Variants in NR1H4 observed in about 807,000 individuals in gnomAD.
The protein encoded by NR1H4 is bile acid receptor.
NR1H4 carries 23 observed loss-of-function variants against 58.5 expected under a neutral mutation model. The observed-to-expected ratio is 0.39, with a 90% CI of 0.28 to 0.56. The LOEUF (loss-of-function observed/expected upper bound fraction) is 0.56. Ranked by LOEUF, NR1H4 falls within the 20% of genes least tolerant of loss-of-function variation. The pLI, the probability that NR1H4 is intolerant of heterozygous loss-of-function variation, is 0.58. For missense variants in NR1H4, 487 were observed against 576.9 expected, an observed-to-expected ratio of 0.84 and a Z score of 1.60; for synonymous variants, 214 against 198.0, an observed-to-expected ratio of 1.08 and a Z score of -0.68.
At chr12:100,561,172 G>C (rs983781761) in intron 9 of NR1H4, among the ~76,000 whole-genome samples, 2 of 152,006 alleles carry the variant, frequency 1.3e-5, no homozygotes, top group African/African-American at 4.8e-5. Context: ...CGAGGCGGGC[G>C]GATCACGAGG....
chr12:100,536,929 T>C lies in NR1H4; in HGVS notation c.832-19T>C. ...TTCTTATCTACTTTTTAATCATTGG[T>C]TTTTTTCTTAAAATTTAGTTAAAAG... On this transcript the variant is annotated intron_variant, in intron 7 of 10. Coordinates refer to ENST00000392986, the MANE Select transcript of NR1H4 (RefSeq NM_001206979.2). The C allele has an allele frequency of 7.3e-7, 1 of 1,376,554 alleles. No individual in the cohort carries two copies. The highest frequency in any genetic ancestry group is 1.3e-5 in the South Asian group (1 of 78,778). The allele number at this position is 1,376,554 out of a possible 1,614,324, so 85.3% of individuals were successfully genotyped here.
intron 4 of NR1H4, among the ~76,000 whole-genome samples, chr12:100,525,775 T>C (rs1343336488): frequency 6.6e-6 from 1 of 152,226 alleles, no homozygotes; most frequent in African/African-American, 2.4e-5. Context: ...TGTTGCTTTC[T>C]GTTTTAGGTT....
intron 3 of NR1H4, among the ~76,000 whole-genome samples, chr12:100,496,607 A>G (rs1953720092): frequency 6.6e-6 from 1 of 152,110 alleles, no homozygotes; most frequent in African/African-American, 2.4e-5. Flanking sequence ...ATTCTAGGAC[A>G]TTTACTCAAA....
intron 9 of NR1H4, among the ~76,000 whole-genome samples, chr12:100,558,247 C>T (rs1053500254): frequency 6.7e-6 from 1 of 149,196 alleles, no homozygotes; most frequent in Non-Finnish European, 1.5e-5. Flanking sequence ...GTGGCACACA[C>T]CTGTAGTCCC....
chr12:100,493,377 A>T lies in NR1H4; in HGVS notation c.54A>T (p.Glu18Asp). The T allele has an allele frequency of 6.4e-7, 1 of 1,566,400 alleles. No individual in the cohort carries two copies. Among genetic ancestry groups the T allele is most frequent in the Non-Finnish European group, 8.8e-7 (1 of 1,142,404 alleles). The change falls in exon 3 of 11, where the codon GAA becomes GAT. Residue 18 changes from glutamate to aspartate, a missense_variant. Physicochemically the swap from Glu to Asp is conservative, Grantham distance 45. Transcript: ENST00000392986. ...ATTCCCATTTACCTACCACAGATGA[A>T]TTTTCTTTTTCTGAAAATTTATTTG... ...IEHSHLPTTD[E>D]FSFSENLFGV...
At position 100,547,790 on chromosome 12, in the gene NR1H4, G is replaced by A. The variant is rs369332402; in HGVS notation, c.1078+6972G>A. 4.4e-4 allele frequency among the ~76,000 whole-genome samples: 67 copies of A among 151,662 alleles called. 1 individual carries two copies. Among genetic ancestry groups the A allele is most frequent in the African/African-American group, 8.9e-4 (37 of 41,432 alleles). ...GCTGGAGTGCAGTGACCGTGATCTC[G>A]GCTCACTGCAACCTCCGCCTCCTGG... On this transcript the variant is annotated intron_variant, in intron 9 of 10. Coordinates refer to ENST00000392986, the MANE Select transcript of NR1H4 (RefSeq NM_001206979.2).
chr12:100,499,584 G>A (rs1430502376), intron 3 of NR1H4, among the ~76,000 whole-genome samples: 1 of 152,202 alleles, frequency 6.6e-6, no homozygotes, highest in Admixed American at 6.5e-5. Context: ...GGCTTGCAGA[G>A]TTTGGAAAAG....
chr12:100,499,180 G>A (rs942902106), intron 3 of NR1H4, among the ~76,000 whole-genome samples: 2 of 152,176 alleles, frequency 1.3e-5, no homozygotes, highest in Admixed American at 1.3e-4. Context: ...TGCAATTAAA[G>A]GTTTTGAGAT....
intron 4 of NR1H4, among the ~76,000 whole-genome samples, chr12:100,524,432 A>G (rs1270815657): frequency 6.6e-6 from 1 of 152,148 alleles, no homozygotes; most frequent in Non-Finnish European, 1.5e-5. Flanking sequence ...ACTGTGGGCC[A>G]CTAGCTTCTG....
At chr12:100,545,773 T>G (rs141644770) in intron 9 of NR1H4, among the ~76,000 whole-genome samples, 1 of 151,922 alleles carries the variant, frequency 6.6e-6, no homozygotes, top group Non-Finnish European at 1.5e-5. Flanking sequence ...TATCAGTGTT[T>G]GTGTGAGCTT....
At chr12:100,522,252 T>C (rs1954443807) in intron 4 of NR1H4, among the ~76,000 whole-genome samples, 1 of 152,104 alleles carries the variant, frequency 6.6e-6, no homozygotes, top group African/African-American at 2.4e-5. Context: ...AATAATCATG[T>C]TGATAGATAA....
rs56303029 is a variant in NR1H4, at chr12:100,483,963, A to G, written c.-189-8540A>G. 6.5e-3 allele frequency among the ~76,000 whole-genome samples: 980 copies of G among 150,600 alleles called. 11 individuals are homozygous for G. The highest frequency in any genetic ancestry group is 0.023 in the African/African-American group (938 of 40,612). On this transcript the variant is annotated intron_variant, in intron 1 of 10. Coordinates refer to ENST00000392986, the MANE Select transcript of NR1H4 (RefSeq NM_001206979.2). ...CGTGCCACTGCACTCCGACCTGGGC[A>G]ACAGAGCAAGACTCTGTCTCAGAAA...
At chr12:100,557,858 G>A (rs1158828159) in intron 9 of NR1H4, among the ~76,000 whole-genome samples, 2 of 152,190 alleles carry the variant, frequency 1.3e-5, no homozygotes, top group Non-Finnish European at 2.9e-5. Context: ...TGGTTTGGAA[G>A]AAATGGAGCA....
At chr12:100,559,465 C>G (rs575087740) in intron 9 of NR1H4, among the ~76,000 whole-genome samples, 15 of 152,336 alleles carry the variant, frequency 9.8e-5, no homozygotes, top group Admixed American at 9.8e-4. Flanking sequence ...TGGCGGGCCC[C>G]TCACTCGGAG....
chr12:100,549,811 A>T (rs1264885448), intron 9 of NR1H4, among the ~76,000 whole-genome samples: 2 of 152,172 alleles, frequency 1.3e-5, no homozygotes, highest in Non-Finnish European at 2.9e-5. Context: ...GTTTTCATTT[A>T]TTAATATTTA....
intron 10 of NR1H4, among the ~76,000 whole-genome samples, chr12:100,562,840 C>T (rs1482994078): frequency 6.6e-6 from 1 of 152,144 alleles, no homozygotes; most frequent in Non-Finnish European, 1.5e-5. Context: ...TATCTTGAGG[C>T]AGAAGCTAGT....
In NR1H4 at chr12:100,554,564, A is replaced by G. The variant is rs189273419; in HGVS notation, c.1079-7321A>G. Among the ~76,000 whole-genome samples, 45 of 152,370 alleles carry G rather than the reference A, an allele frequency of 3.0e-4. No homozygotes were observed. In the East Asian group the frequency reaches 5.2e-3, roughly 18 times the overall value. On this transcript the variant is annotated intron_variant, in intron 9 of 10. Transcript: ENST00000392986. The stretch of plus-strand genomic sequence containing the variant: ...CAAAGAATATTTCTGATCATTGAAC[A>G]TAATTTATTAATCACAGACCTCTTT...
intron 1 of NR1H4, among the ~76,000 whole-genome samples, chr12:100,474,470 A>G (rs1953226086): frequency 6.6e-6 from 1 of 152,212 alleles, no homozygotes; most frequent in Non-Finnish European, 1.5e-5. Context: ...TGACTTGGGA[A>G]CTAAGAATAA....
At chr12:100,539,637 T>G (rs890627026) in intron 8 of NR1H4, among the ~76,000 whole-genome samples, 1 of 152,196 alleles carries the variant, frequency 6.6e-6, no homozygotes, top group African/African-American at 2.4e-5. Context: ...ATTCAATCTG[T>G]CAATTATCCA....
Sources: gnomAD v4.1 joint callset for allele counts (sites outside exome capture counted in the v4.1 genomes callset) on GRCh38, gnomAD v4.1.1 for gene constraint, MANE v1.5 for transcripts, NCBI Gene and HGNC (gene_info 2026-07-23, HGNC 2026-07-21) for gene names.